The following LUZP2 variants were observed in gnomAD, a reference collection of about 807,000 sequenced individuals.
LUZP2 encodes the protein leucine zipper protein 2.
Under a neutral mutation model 51.6 loss-of-function variants are expected in LUZP2, and 52 were observed. The ratio of observed to expected loss-of-function variants is 1.01; its 90% confidence interval spans 0.81 to 1.27. LUZP2 has a LOEUF of 1.27. Among genes scored for constraint, LUZP2 ranks in the 50% most tolerant of loss-of-function variants. The pLI is 0.00. For missense variants in LUZP2, 436 were observed against 395.4 expected (o/e 1.10, Z -0.87); for synonymous variants, 154 against 137.3 (o/e 1.12, Z -0.85).
chr11:25,060,042 C>T (rs1565295113), intron 10 of LUZP2, among the ~76,000 whole-genome samples: 1 of 152,088 alleles, frequency 6.6e-6, no homozygotes, highest in South Asian at 2.1e-4. Context: ...CTTCCAGCAT[C>T]TGATTGATGT....
intron 1 of LUZP2, among the ~76,000 whole-genome samples, chr11:24,595,708 A>G (rs1253645270): frequency 6.6e-6 from 1 of 152,190 alleles, no homozygotes; most frequent in East Asian, 1.9e-4. Context: ...CATTCCAGAG[A>G]CTTCTGCAGA....
intron 1 of LUZP2, among the ~76,000 whole-genome samples, chr11:24,679,330 A>AT (rs1465860031): frequency 6.6e-6 from 1 of 152,190 alleles, no homozygotes; most frequent in African/African-American, 2.4e-5. Flanking sequence ...AACAATAATA[A>AT]TGTAGAGAAG....
At position 24,996,887 on chromosome 11, in the gene LUZP2, C is replaced by T. The variant is rs147316884; in HGVS notation, c.765+13594C>T. Among the ~76,000 whole-genome samples the T allele has an allele frequency of 1.3e-3, 200 of 151,450 alleles. 1 individual carries two copies. The highest frequency in any genetic ancestry group is 1.8e-3 in the Non-Finnish European group (125 of 67,930). On this transcript the variant is annotated intron_variant, in intron 9 of 11. Coordinates refer to ENST00000336930, the MANE Select transcript of LUZP2 (RefSeq NM_001009909.4). The stretch of plus-strand genomic sequence containing the variant: ...TGCGGTGTTTGGTTTTTTGTTCTTG[C>T]GATAGTTTACTGAGAATGATGATTT...
intron 5 of LUZP2, chr11:24,893,116 A>C (rs1217701946): frequency 1.3e-5 from 2 of 152,224 alleles, no homozygotes; most frequent in Non-Finnish European, 2.9e-5. Context: ...CAATAGTCAC[A>C]ATAATGTCAC....
chr11:24,516,262 A>C (rs1034005830), intron 1 of LUZP2, among the ~76,000 whole-genome samples: 4 of 152,170 alleles, frequency 2.6e-5, no homozygotes, highest in African/African-American at 9.7e-5. Flanking sequence ...AAAACCTAAA[A>C]TTATTTGTAT....
intron 1 of LUZP2, among the ~76,000 whole-genome samples, chr11:24,617,296 T>C (rs1854321586): frequency 6.6e-6 from 1 of 152,188 alleles, no homozygotes; most frequent in Non-Finnish European, 1.5e-5. Context: ...GTATTTTTAG[T>C]TAAAAAAATC....
At chr11:25,010,504 C>T (rs1489970433) in intron 9 of LUZP2, among the ~76,000 whole-genome samples, 2 of 152,002 alleles carry the variant, frequency 1.3e-5, no homozygotes, top group African/African-American at 4.8e-5. Flanking sequence ...GCCAAGATCA[C>T]ACCAATGCAC....
At chr11:24,600,174 AACAC>A (rs61439379) in intron 1 of LUZP2, among the ~76,000 whole-genome samples, 18,890 of 144,010 alleles carry the variant, frequency 0.13, 1,490 homozygotes, top group East Asian at 0.33. Flanking sequence ...TGTAGATTAC[AACAC>A]ACACACACAC....
intron 1 of LUZP2, among the ~76,000 whole-genome samples, chr11:24,629,927 G>A (rs1486698101): frequency 6.6e-6 from 1 of 151,800 alleles, no homozygotes; most frequent in East Asian, 1.9e-4. Context: ...ATTTTAATTT[G>A]CATTTCTCTG....
At chr11:25,062,587 C>CAAAAAAAAAA (rs1163708322) in intron 10 of LUZP2, among the ~76,000 whole-genome samples, 1 of 43,092 alleles carries the variant, frequency 2.3e-5, no homozygotes, top group African/African-American at 5.8e-5. Context: ...AAGACCCTGT[C>CAAAAAAAAAA]AAAAAAAAAA....
At chr11:24,659,453 G>A (rs1159981453) in intron 1 of LUZP2, among the ~76,000 whole-genome samples, 1 of 152,058 alleles carries the variant, frequency 6.6e-6, no homozygotes, top group Admixed American at 6.6e-5. Flanking sequence ...ACAGCATTAG[G>A]AGATATACCT....
At position 24,788,365 on chromosome 11, in the gene LUZP2, T is replaced by C. The variant is rs148146224; in HGVS notation, c.396+25057T>C. On this transcript the variant is annotated intron_variant, in intron 5 of 11. Coordinates refer to ENST00000336930, the MANE Select transcript of LUZP2 (RefSeq NM_001009909.4). The stretch of plus-strand genomic sequence containing the variant: ...CCACCATACCCAGCTAATTTTTGTA[T>C]TTTTAGTAGAGACGGGGTTTCACCA... Among the ~76,000 whole-genome samples the C allele has an allele frequency of 9.0e-3, 1,361 of 151,904 alleles. 20 individuals carry two copies. The highest frequency in any genetic ancestry group is 0.029 in the African/African-American group (1,192 of 41,452).
chr11:25,060,264 T>G (rs2134038132), intron 10 of LUZP2, among the ~76,000 whole-genome samples: 1 of 152,292 alleles, frequency 6.6e-6, no homozygotes, highest in African/African-American at 2.4e-5. Flanking sequence ...TTCAAGGCAC[T>G]GACAGATTTG....
intron 5 of LUZP2, among the ~76,000 whole-genome samples, chr11:24,839,197 C>T (rs1158955026): frequency 6.6e-6 from 1 of 151,264 alleles, no homozygotes; most frequent in African/African-American, 2.4e-5. Flanking sequence ...AAAAGTTGAC[C>T]CCAATTAGTC....
At chr11:24,697,121 G>A (rs1485646803) in intron 1 of LUZP2, among the ~76,000 whole-genome samples, 1 of 152,100 alleles carries the variant, frequency 6.6e-6, no homozygotes, top group Non-Finnish European at 1.5e-5. Context: ...TCCATGGATT[G>A]TGATGCCATC....
chr11:25,031,007 A>AATATAATATATAT (rs1565255295), intron 9 of LUZP2, among the ~76,000 whole-genome samples: 11 of 3,228 alleles, frequency 3.4e-3, no homozygotes, highest in African/African-American at 7.8e-3. Flanking sequence ...ATATATATAT[A>AATATAATATATAT]TATATATATT....
intron 9 of LUZP2, among the ~76,000 whole-genome samples, chr11:25,040,923 A>T (rs906065470): frequency 2.6e-5 from 4 of 152,102 alleles, no homozygotes; most frequent in Admixed American, 2.0e-4. Flanking sequence ...GAAGAATTGT[A>T]TCGCTACCAA....
chr11:25,022,054 TG>T (rs1239476347), intron 9 of LUZP2, among the ~76,000 whole-genome samples: 2 of 152,064 alleles, frequency 1.3e-5, no homozygotes, highest in Admixed American at 1.3e-4. Context: ...CAGTACTTGT[TG>T]CACTCTTTCA....
chr11:24,877,366 T>C (rs925558098), intron 5 of LUZP2, among the ~76,000 whole-genome samples: 5 of 152,152 alleles, frequency 3.3e-5, no homozygotes, highest in African/African-American at 1.2e-4. Flanking sequence ...CTAAGGTATG[T>C]AGAGAAAGTT....
Sources: allele counts gnomAD v4.1 joint callset (sites outside exome capture counted in the v4.1 genomes callset), GRCh38; gene constraint gnomAD v4.1.1; transcripts MANE v1.5; gene names NCBI Gene and HGNC (gene_info 2026-07-23, HGNC 2026-07-21).